The following EPB41L2 variants were observed in gnomAD, a reference collection of about 807,000 sequenced individuals.
The protein encoded by EPB41L2 is band 4.1-like protein 2.
In EPB41L2, 43 loss-of-function variants were observed where a neutral mutation model predicts 113.0. The observed-to-expected ratio is 0.38, with a 90% CI of 0.30 to 0.49. The LOEUF (loss-of-function observed/expected upper bound fraction) is 0.49. Among genes scored for constraint, EPB41L2 ranks in the 20% least tolerant of loss-of-function variants. The pLI, the probability that EPB41L2 is intolerant of heterozygous loss-of-function variation, is 0.95. For synonymous variants in EPB41L2, 442 were observed against 436.7 expected (o/e 1.01, Z -0.15); for missense variants, 1,147 against 1,223.4 (o/e 0.94, Z 0.93).
At chr6:130,961,012 T>G (rs1008644097) in intron 1 of EPB41L2, among the ~76,000 whole-genome samples, 3 of 152,182 alleles carry the variant, frequency 2.0e-5, no homozygotes, top group Non-Finnish European at 4.4e-5. Flanking sequence ...TATCCTCACT[T>G]TATTTTATCA....
chr6:131,029,519 T>C (rs901510935), intron 1 of EPB41L2, among the ~76,000 whole-genome samples: 2 of 152,036 alleles, frequency 1.3e-5, no homozygotes, highest in African/African-American at 4.8e-5. Context: ...TTTCATTCTA[T>C]AGAAATAATT....
chr6:130,861,874 C>CAA lies in EPB41L2; in HGVS notation c.2910+1762_2910+1763dup, dbSNP rs558987011. ...GCACCAGAGGGAGACTCCATCTCCCCAAAAAAAAAAAAAAAGTTTATGCTA... is the reference window on the plus strand; with the variant it reads ...GCACCAGAGGGAGACTCCATCTCCCCAAAAAAAAAAAAAAAAAGTTTATGCTA... On this transcript the variant is annotated intron_variant, in intron 18 of 19. Coordinates refer to ENST00000337057, the MANE Select transcript of EPB41L2 (RefSeq NM_001431.4). Among the ~76,000 whole-genome samples the CAA allele has an allele frequency of 2.0e-4, 24 of 120,678 alleles. 2 individuals are homozygous for CAA. Among genetic ancestry groups the CAA allele is most frequent in the South Asian group, 1.6e-3 (6 of 3,644 alleles). 79.2% of individuals were successfully genotyped at this position (120,678 alleles called of 152,430 possible). A position where few individuals can be genotyped will look rare whatever the true frequency, so the allele number is the denominator to read the frequency against.
Position 130,878,133 on chromosome 6 carries a change from T to C in EPB41L2, c.2014A>G (p.Ile672Val), listed in dbSNP as rs1275543722. The C allele has an allele frequency of 2.5e-6, 4 of 1,613,456 alleles. No individual in the cohort carries two copies. The highest frequency in any genetic ancestry group is 2.2e-5 in the East Asian group (1 of 44,868). The change falls in exon 14 of 20, where the codon ATC becomes GTC. Residue 672 changes from isoleucine to valine, a missense_variant. By Grantham distance (29) the Ile-to-Val change is conservative (BLOSUM62 3). Transcript: ENST00000337057. ...PRPNEWEKRR[I>V]TPLSLQTQGS... Reference sequence around the variant, plus strand: ...TGTGTCTGTAGGGACAGAGGTGTGATACGTCGTTTTTCCCATTCATTAGGG... The same window carrying C: ...TGTGTCTGTAGGGACAGAGGTGTGACACGTCGTTTTTCCCATTCATTAGGG...
intron 1 of EPB41L2, among the ~76,000 whole-genome samples, chr6:131,008,241 G>T (rs1786056471): frequency 6.6e-6 from 1 of 152,236 alleles, no homozygotes; most frequent in African/African-American, 2.4e-5. Flanking sequence ...AGCTGTGGTG[G>T]CTAAAAGGGG....
chr6:130,947,025 C>A lies in EPB41L2; in HGVS notation c.705+8080G>T, dbSNP rs567872528. Among the ~76,000 whole-genome samples the A allele has an allele frequency of 6.2e-5, 9 of 145,772 alleles. No individual in the cohort carries two copies. The South Asian group carries it at 1.4e-3, about 23-fold the overall frequency. ...TGCACTGAATAAAGAAGACCCCCCCCCCAGCCCCTTAAATTACTGCAGCCA... is the reference window on the plus strand; with the variant it reads ...TGCACTGAATAAAGAAGACCCCCCCACCAGCCCCTTAAATTACTGCAGCCA... On this transcript the variant is annotated intron_variant, in intron 3 of 19. Coordinates refer to ENST00000337057, the MANE Select transcript of EPB41L2 (RefSeq NM_001431.4).
At chr6:131,056,005 T>C (rs376992977) in intron 1 of EPB41L2, among the ~76,000 whole-genome samples, 74 of 152,234 alleles carry the variant, frequency 4.9e-4, no homozygotes, top group African/African-American at 1.6e-3. Flanking sequence ...CCAGAAGCAA[T>C]AGACACAATA....
At chr6:131,027,574 C>T (rs1409547226) in intron 1 of EPB41L2, among the ~76,000 whole-genome samples, 1 of 152,204 alleles carries the variant, frequency 6.6e-6, no homozygotes, top group African/African-American at 2.4e-5. Context: ...AAGGCCAATG[C>T]TTAATGCAGC....
At chr6:130,909,022 T>C (rs1264921826) in intron 4 of EPB41L2, among the ~76,000 whole-genome samples, 159 bp from the exon 5 acceptor site, 2 of 152,250 alleles carry the variant, frequency 1.3e-5, no homozygotes, top group Non-Finnish European at 2.9e-5. Context: ...AGTATTGCTT[T>C]GTCCTTGGGG....
At chr6:130,902,177 G>A (rs942288356) in intron 6 of EPB41L2, among the ~76,000 whole-genome samples, 7 of 152,154 alleles carry the variant, frequency 4.6e-5, no homozygotes, top group African/African-American at 1.7e-4. Context: ...TTAGAGACTG[G>A]CATTCATACT....
chr6:130,937,443 C>T (rs916366135), intron 3 of EPB41L2, among the ~76,000 whole-genome samples: 25 of 152,172 alleles, frequency 1.6e-4, no homozygotes, highest in Admixed American at 2.6e-4. Context: ...TGTATATGTG[C>T]TCCTTTTGTC....
intron 1 of EPB41L2, among the ~76,000 whole-genome samples, chr6:130,971,641 T>C (rs184791969): frequency 6.6e-6 from 1 of 152,358 alleles, no homozygotes. Context: ...TATTTCATCA[T>C]GCTACTAAAA....
chr6:130,882,750 A>C lies in EPB41L2; in HGVS notation c.1833+2346T>G, dbSNP rs1483456639. 2.0e-5 allele frequency: 3 copies of C among 152,882 alleles called. No individual in the cohort carries two copies. The East Asian group carries it at 5.8e-4, about 29-fold the overall frequency. The allele number at this position is 152,882 out of a possible 1,614,324, so 9.5% of individuals were successfully genotyped here. ...TAGTGCTGCACACCAGCGGGGAGGA[A>C]GGAGACCCAGACCTTGGGGAGGCTG... On this transcript the variant is annotated intron_variant, in intron 12 of 19. Coordinates refer to ENST00000337057, the MANE Select transcript of EPB41L2 (RefSeq NM_001431.4).
chr6:131,008,572 T>C (rs1013172583), intron 1 of EPB41L2, among the ~76,000 whole-genome samples: 3 of 152,200 alleles, frequency 2.0e-5, no homozygotes, highest in African/African-American at 7.2e-5. Context: ...GAACGGTAGA[T>C]TCACCAACAG....
chr6:130,896,012 G>A (rs774147915), intron 8 of EPB41L2, among the ~76,000 whole-genome samples: 3 of 152,212 alleles, frequency 2.0e-5, no homozygotes, highest in Admixed American at 6.5e-5. Context: ...GAAGACTACC[G>A]CTCAAAGACA....
intron 3 of EPB41L2, among the ~76,000 whole-genome samples, chr6:130,926,933 G>T (rs927830608): frequency 6.6e-6 from 1 of 152,064 alleles, no homozygotes. Context: ...AGCAAGCACC[G>T]TCTGCTTTAC....
intron 4 of EPB41L2, among the ~76,000 whole-genome samples, chr6:130,919,131 A>G (rs1391055017): frequency 6.6e-6 from 1 of 152,224 alleles, no homozygotes; most frequent in Non-Finnish European, 1.5e-5. Flanking sequence ...TGAATGTCTC[A>G]GAAAGGACAC....
At chr6:130,981,415 C>G (rs1303875949) in intron 1 of EPB41L2, among the ~76,000 whole-genome samples, 1 of 152,186 alleles carries the variant, frequency 6.6e-6, no homozygotes, top group Non-Finnish European at 1.5e-5. Flanking sequence ...TATTCTCAAA[C>G]TGTGAAGCCT....
At position 130,895,071 on chromosome 6, in the gene EPB41L2, G is replaced by C; in HGVS notation, c.1285C>G (p.Leu429Val). ...IKLGVCANGL[L>V]IYKDRLRINR... The stretch of plus-strand genomic sequence containing the variant: ...ATTCGCAGTCTGTCTTTGTAAATGA[G>C]AAGTCCATTAGCACACACGCCCAGC... The change falls in exon 9 of 20, where the codon CTC becomes GTC. Residue 429 changes from leucine to valine, a missense_variant. By Grantham distance (32) the Leu-to-Val change is conservative. Transcript: ENST00000337057. 1 of 1,613,896 alleles carries C rather than the reference G, an allele frequency of 6.2e-7. No individual in the cohort carries two copies. Among genetic ancestry groups the C allele is most frequent in the Non-Finnish European group, 8.5e-7 (1 of 1,179,868 alleles).
chr6:130,952,621 T>C (rs1193082777), intron 3 of EPB41L2, among the ~76,000 whole-genome samples: 6 of 152,128 alleles, frequency 3.9e-5, no homozygotes, highest in Non-Finnish European at 7.4e-5. Context: ...GAGACCATCC[T>C]GGCCATGGTG....
Sources: allele counts gnomAD v4.1 joint callset (sites outside exome capture counted in the v4.1 genomes callset), GRCh38; gene constraint gnomAD v4.1.1; transcripts MANE v1.5; gene names NCBI Gene and HGNC (gene_info 2026-07-23, HGNC 2026-07-21).